The following CECR2 variants were observed in gnomAD, a reference collection of about 807,000 sequenced individuals.
The protein encoded by CECR2 is CECR2 histone acetyl-lysine reader.
CECR2 carries 30 observed loss-of-function variants against 154.5 expected under a neutral mutation model. The observed-to-expected ratio is 0.19, with a 90% CI of 0.15 to 0.26. CECR2 has a LOEUF of 0.26. Ranked by LOEUF, CECR2 falls within the 10% of genes least tolerant of loss-of-function variation. The pLI is 1.00. For synonymous variants in CECR2, 725 were observed against 683.7 expected (o/e 1.06, Z -0.94); for missense variants, 1,743 against 1,829.3 (o/e 0.95, Z 0.86).
chr22:17,370,315 G>A (rs1459590720), intron 1 of CECR2, among the ~76,000 whole-genome samples: 1 of 146,082 alleles, frequency 6.8e-6, no homozygotes, highest in Non-Finnish European at 1.5e-5. Flanking sequence ...GGCGGGGCCG[G>A]GCGCGGGGGG....
At chr22:17,412,958 G>T (rs1046883249) in intron 1 of CECR2, among the ~76,000 whole-genome samples, 12 of 152,154 alleles carry the variant, frequency 7.9e-5, no homozygotes, top group African/African-American at 2.7e-4. Context: ...CTGATTAGAC[G>T]TTGTTAAGTT....
chr22:17,519,292 G>GTTTTT (rs80083383), intron 8 of CECR2, among the ~76,000 whole-genome samples: 1 of 114,660 alleles, frequency 8.7e-6, no homozygotes, highest in African/African-American at 3.2e-5. Context: ...GGTGTTTTGT[G>GTTTTT]TTTTTTTTTT....
At chr22:17,407,770 A>G (rs756069232) in intron 1 of CECR2, among the ~76,000 whole-genome samples, 6 of 152,118 alleles carry the variant, frequency 3.9e-5, no homozygotes, top group African/African-American at 7.2e-5. Flanking sequence ...GGTTGCCACA[A>G]CTCAGGGGAA....
At chr22:17,545,736 G>A (rs1256892793) in intron 16 of CECR2, among the ~76,000 whole-genome samples, 3 of 151,492 alleles carry the variant, frequency 2.0e-5, no homozygotes, top group African/African-American at 4.9e-5. Context: ...CCAGCTCCTC[G>A]GGAGGCTGAG....
intron 1 of CECR2, among the ~76,000 whole-genome samples, chr22:17,387,261 C>T (rs1280605640): frequency 1.3e-5 from 2 of 152,212 alleles, no homozygotes; most frequent in Non-Finnish European, 2.9e-5. Context: ...GGCAGCTGTA[C>T]CTGCCCCTCC....
intron 5 of CECR2, among the ~76,000 whole-genome samples, chr22:17,502,744 A>G (rs111897724): frequency 1.7e-3 from 263 of 152,344 alleles, no homozygotes; most frequent in African/African-American, 6.0e-3. Flanking sequence ...CGGAGGTTGC[A>G]GTGAGCTGAA....
intron 9 of CECR2, among the ~76,000 whole-genome samples, chr22:17,525,557 G>T (rs756416903): frequency 2.0e-5 from 3 of 152,116 alleles, no homozygotes; most frequent in African/African-American, 7.2e-5. Flanking sequence ...AGTGAGCCGA[G>T]ATCGTGCTAC....
intron 9 of CECR2, among the ~76,000 whole-genome samples, chr22:17,531,192 A>G (rs1003742358): frequency 2.0e-5 from 3 of 152,296 alleles, no homozygotes; most frequent in Non-Finnish European, 4.4e-5. Context: ...GTAAAATGGG[A>G]GTTAGAAAAC....
intron 1 of CECR2, among the ~76,000 whole-genome samples, chr22:17,467,176 G>T (rs2055047106): frequency 2.0e-5 from 3 of 152,180 alleles, no homozygotes; most frequent in Admixed American, 2.0e-4. Flanking sequence ...TCTGCTCAGA[G>T]GTGGCATATG....
upstream of CECR2, among the ~76,000 whole-genome samples, chr22:17,367,131 G>A (rs1281441901): frequency 1.3e-5 from 2 of 152,186 alleles, no homozygotes; most frequent in Non-Finnish European, 2.9e-5. Context: ...TCCGGGGCTT[G>A]GCAGTAGGCG....
chr22:17,370,689 C>T (rs533669461), intron 1 of CECR2, among the ~76,000 whole-genome samples: 1 of 152,304 alleles, frequency 6.6e-6, no homozygotes, highest in African/African-American at 2.4e-5. Flanking sequence ...CAGCCCGGGG[C>T]TTTGTGATAA....
At chr22:17,360,511 G>GT (rs1235495808) in intron 1 of CECR2, among the ~76,000 whole-genome samples, 2 of 151,914 alleles carry the variant, frequency 1.3e-5, no homozygotes, top group East Asian at 3.9e-4. Flanking sequence ...GTGAAACCCC[G>GT]TATCTACTAA....
intron 1 of CECR2, among the ~76,000 whole-genome samples, chr22:17,411,895 T>C (rs1218637459): frequency 6.6e-6 from 1 of 152,186 alleles, no homozygotes; most frequent in Admixed American, 6.5e-5. Context: ...TTTTTCATGT[T>C]AATATGTAGA....
At chr22:17,386,340 A>T (rs1239098438) in intron 1 of CECR2, among the ~76,000 whole-genome samples, 1 of 151,954 alleles carries the variant, frequency 6.6e-6, no homozygotes, top group Non-Finnish European at 1.5e-5. Flanking sequence ...GCTTAAGAGC[A>T]TGGTGAGAAA....
At chr22:17,437,742 A>G (rs983766289) in intron 1 of CECR2, among the ~76,000 whole-genome samples, 11 of 152,162 alleles carry the variant, frequency 7.2e-5, no homozygotes, top group African/African-American at 2.7e-4. Context: ...AAAAAATTTT[A>G]AAGTTTGTCA....
chr22:17,504,050 A>ATAAATAAATAAG (rs2146894285), intron 6 of CECR2, among the ~76,000 whole-genome samples: 1 of 146,706 alleles, frequency 6.8e-6, no homozygotes, highest in Admixed American at 6.7e-5. Flanking sequence ...CTGCCTCTAA[A>ATAAATAAATAAG]TAAATAAATA....
Position 17,540,647 on chromosome 22 carries a change from G to C in CECR2, c.1731G>C (p.Leu577Phe), listed in dbSNP as rs751805976. The C allele has an allele frequency of 1.9e-6, 3 of 1,613,756 alleles. No individual in the cohort carries two copies. The highest frequency in any genetic ancestry group is 2.5e-6 in the Non-Finnish European group (3 of 1,179,852). The change falls in exon 14 of 19, where the codon TTG becomes TTC. Residue 577 changes from leucine to phenylalanine, a missense_variant. Transcript: ENST00000262608. ...CCATGGAGAATGGAGGAAAGTCGTT[G>C]CCCCCCACACGCCGAGCGCCCTCTT... The part of the protein sequence containing the change: ...QQPMENGGKS[L>F]PPTRRAPSSG...
rs2056792986 is a variant in CECR2, at chr22:17,557,961, T to C, written c.*5121T>C. 1 of 152,240 alleles carries C rather than the reference T, an allele frequency of 6.6e-6. No individual in the cohort carries two copies. Among genetic ancestry groups the C allele is most frequent in the South Asian group, 2.1e-4 (1 of 4,828 alleles). 9.4% of individuals were successfully genotyped at this position (152,240 alleles called of 1,614,324 possible). ...GAATGCTATTTATTTTTATATTGTGTATATTTTGTCGTGGTCTGCTGATTC... is the reference window on the plus strand; with the variant it reads ...GAATGCTATTTATTTTTATATTGTGCATATTTTGTCGTGGTCTGCTGATTC... On this transcript the variant is annotated 3_prime_UTR_variant, in exon 19 of 19. Transcript: ENST00000262608.
intron 17 of CECR2, 129 bp from the exon 18 acceptor site, chr22:17,551,902 C>T: frequency 1.2e-6 from 1 of 819,560 alleles, no homozygotes; most frequent in Admixed American, 2.2e-5. Context: ...CGAGTTGTCC[C>T]AGTATGGATG....
Sources: gnomAD v4.1 joint callset for allele counts (sites outside exome capture counted in the v4.1 genomes callset) on GRCh38, gnomAD v4.1.1 for gene constraint, MANE v1.5 for transcripts, NCBI Gene and HGNC (gene_info 2026-07-23, HGNC 2026-07-21) for gene names.